The following ALKBH8 variants were observed in gnomAD, a reference collection of about 807,000 sequenced individuals.
ALKBH8 encodes the protein tRNA (carboxymethyluridine(34)-5-O)-methyltransferase ALKBH8.
ALKBH8 carries 36 observed loss-of-function variants against 59.8 expected under a neutral mutation model. That is an observed-to-expected ratio of 0.60 (90% CI 0.46 to 0.79). The LOEUF is 0.79. Among genes scored for constraint, ALKBH8 ranks in the 30% least tolerant of loss-of-function variants. The pLI is 0.00. For synonymous variants in ALKBH8, 276 were observed against 273.6 expected (o/e 1.01, Z -0.09); for missense variants, 768 against 801.0 (o/e 0.96, Z 0.50).
At chr11:107,507,008 A>AT (rs76221586) in intron 11 of ALKBH8, among the ~76,000 whole-genome samples, 121,679 of 152,038 alleles carry the variant, frequency 0.8, 50,964 homozygotes, top group South Asian at 0.94. Flanking sequence ...AGGGGTAATC[A>AT]TGCCAATTTA....
chr11:107,528,664 A>G (rs1267973459), intron 8 of ALKBH8, among the ~76,000 whole-genome samples: 1 of 152,190 alleles, frequency 6.6e-6, no homozygotes, highest in Non-Finnish European at 1.5e-5. Flanking sequence ...ACTTTAAGCA[A>G]AGGCCAAGGA....
chr11:107,560,722 T>C, intron 2 of ALKBH8, 43 bp downstream of exon 2: 2 of 1,544,076 alleles, frequency 1.3e-6, no homozygotes, highest in Non-Finnish European at 1.8e-6. Context: ...CATTAACATG[T>C]CAGTACATTT....
At chr11:107,511,410 T>C in intron 10 of ALKBH8, among the ~76,000 whole-genome samples, 1 of 152,160 alleles carries the variant, frequency 6.6e-6, no homozygotes, top group East Asian at 1.9e-4. Context: ...GACAGTCTTT[T>C]AGGGGGAGCT....
rs1862324504 is a variant in ALKBH8, at chr11:107,505,103, T to C, written c.1550A>G (p.Tyr517Cys). Residue 517 changes from tyrosine (Y) to cysteine (C), a missense_variant, in exon 12 of 12, where the codon TAT becomes TGT. Coordinates refer to ENST00000428149, the MANE Select transcript of ALKBH8 (RefSeq NM_138775.3). ...TTGGCTATTTCTGTTTCCTCTAAGA[T>C]ACTTGGACTTCTGCTTATTATATTC... Reference protein sequence around the residue: ...EQEYNKQKSKYLRGNRNSQGK... With the variant: ...EQEYNKQKSKCLRGNRNSQGK... The C allele has an allele frequency of 6.4e-7, 1 of 1,551,454 alleles. No individual in the cohort carries two copies. The highest frequency in any genetic ancestry group is 1.2e-5 in the South Asian group (1 of 84,056).
chr11:107,550,204 A>C (rs1864432731), intron 6 of ALKBH8, among the ~76,000 whole-genome samples: 2 of 152,214 alleles, frequency 1.3e-5, no homozygotes, highest in African/African-American at 2.4e-5. Flanking sequence ...AGGTATAAAG[A>C]CTAGGCGTAT....
chr11:107,555,160 TGAGG>T (rs371898646), intron 3 of ALKBH8, among the ~76,000 whole-genome samples: 64 of 152,080 alleles, frequency 4.2e-4, no homozygotes, highest in African/African-American at 1.5e-3. Flanking sequence ...CTCGGGAGGC[TGAGG>T]AAGGAGAATG....
At chr11:107,527,019 C>A (rs1223697527) in intron 8 of ALKBH8, among the ~76,000 whole-genome samples, 1 of 151,992 alleles carries the variant, frequency 6.6e-6, no homozygotes, top group East Asian at 1.9e-4. Flanking sequence ...AACATTGTTT[C>A]AAGATTGTTT....
At chr11:107,561,823 G>A (rs915634791) in intron 1 of ALKBH8, among the ~76,000 whole-genome samples, 1 of 152,186 alleles carries the variant, frequency 6.6e-6, no homozygotes, top group South Asian at 2.1e-4. Flanking sequence ...AATAATAAAT[G>A]AGTGAATACA....
At chr11:107,557,701 A>G (rs1297793942) in intron 2 of ALKBH8, among the ~76,000 whole-genome samples, 1 of 152,164 alleles carries the variant, frequency 6.6e-6, no homozygotes, top group Non-Finnish European at 1.5e-5. Flanking sequence ...CACAATGAAA[A>G]CTTTTTCCTT....
intron 1 of ALKBH8, among the ~76,000 whole-genome samples, chr11:107,561,815 TAATA>T (rs1443533511): frequency 6.6e-6 from 1 of 152,194 alleles, no homozygotes. Flanking sequence ...GCTAAATGAA[TAATA>T]AATGAGTGAA....
chr11:107,507,946 T>C (rs1862459127), intron 11 of ALKBH8, among the ~76,000 whole-genome samples: 1 of 152,164 alleles, frequency 6.6e-6, no homozygotes, highest in African/African-American at 2.4e-5. Context: ...CTATCAGGCA[T>C]TTATTTCATC....
chr11:107,532,426 C>G lies in ALKBH8; in HGVS notation c.772-20G>C, dbSNP rs1360658668. 6.3e-7 allele frequency: 1 copy of G among 1,593,372 alleles called. No individual in the cohort carries two copies. Among genetic ancestry groups the G allele is most frequent in the South Asian group, 1.1e-5 (1 of 90,550 alleles). On this transcript the variant is annotated intron_variant, in intron 7 of 11. Coordinates refer to ENST00000428149, the MANE Select transcript of ALKBH8 (RefSeq NM_138775.3). ...GACAATCTTGAAGCAAAGATAAAAG[C>G]ATAAAGATCAATCCAAAATTTCATA...
rs66736211 is a variant in ALKBH8, at chr11:107,530,600, A to AACACACACAC, written c.878+1690_878+1699dup. Among the ~76,000 whole-genome samples the AACACACACAC allele has an allele frequency of 2.9e-3, 389 of 132,172 alleles. 2 individuals are homozygous for AACACACACAC. Among genetic ancestry groups the AACACACACAC allele is most frequent in the East Asian group, 0.013 (58 of 4,410 alleles). 86.7% of individuals were successfully genotyped at this position (132,172 alleles called of 152,430 possible). A position where few individuals can be genotyped will look rare whatever the true frequency, so the allele number is the denominator to read the frequency against. On this transcript the variant is annotated intron_variant, in intron 8 of 11. Transcript: ENST00000428149. ...CATTTCCCCATCTCTCTCTCTTCCTAACACACACACACACACACACACACA... is the reference window on the plus strand; with the variant it reads ...CATTTCCCCATCTCTCTCTCTTCCTAACACACACACACACACACACACACACACACACACA...
At chr11:107,527,699 G>A (rs1196907753) in intron 8 of ALKBH8, among the ~76,000 whole-genome samples, 3 of 151,870 alleles carry the variant, frequency 2.0e-5, no homozygotes, top group Admixed American at 6.6e-5. Flanking sequence ...TCACTTATTA[G>A]TTCTGGAACT....
At chr11:107,561,816 A>T (rs1864949888) in intron 1 of ALKBH8, among the ~76,000 whole-genome samples, 1 of 152,248 alleles carries the variant, frequency 6.6e-6, no homozygotes, top group Non-Finnish European at 1.5e-5. Flanking sequence ...CTAAATGAAT[A>T]ATAAATGAGT....
At chr11:107,505,953 T>A (rs1216956967) in intron 11 of ALKBH8, among the ~76,000 whole-genome samples, 2 of 152,080 alleles carry the variant, frequency 1.3e-5, no homozygotes, top group African/African-American at 2.4e-5. Context: ...ATTCTGAAAA[T>A]CTATATGCAA....
chr11:107,552,004 T>G, intron 5 of ALKBH8, 92 bp from the exon 6 acceptor site: 19 of 611,034 alleles, frequency 3.1e-5, no homozygotes, highest in Non-Finnish European at 4.6e-5. Flanking sequence ...TATAAATCTC[T>G]GAGCTTTTAA....
intron 1 of ALKBH8, among the ~76,000 whole-genome samples, chr11:107,564,575 A>G (rs1450952688): frequency 6.6e-6 from 1 of 152,208 alleles, no homozygotes; most frequent in Non-Finnish European, 1.5e-5. Context: ...TAAAGGAATG[A>G]AAGGGAGCTT....
intron 10 of ALKBH8, among the ~76,000 whole-genome samples, chr11:107,520,147 A>T (rs1863047972): frequency 6.6e-6 from 1 of 152,186 alleles, no homozygotes; most frequent in South Asian, 2.1e-4. Context: ...GTTTTCATGT[A>T]AGAAGCTGAA....
Sources: gnomAD v4.1 joint callset for allele counts (sites outside exome capture counted in the v4.1 genomes callset) on GRCh38, gnomAD v4.1.1 for gene constraint, MANE v1.5 for transcripts, NCBI Gene and HGNC (gene_info 2026-07-23, HGNC 2026-07-21) for gene names.